The following SMYD3 variants were observed in gnomAD, a reference collection of about 807,000 sequenced individuals.
SMYD3 encodes SET and MYND domain containing 3.
SMYD3 carries 36 observed loss-of-function variants against 57.7 expected under a neutral mutation model. The ratio of observed to expected loss-of-function variants is 0.62; its 90% confidence interval spans 0.48 to 0.82. The LOEUF (loss-of-function observed/expected upper bound fraction) is 0.82, where lower values mean the gene tolerates loss of function less well. Ranked by LOEUF, SMYD3 falls within the 40% of genes least tolerant of loss-of-function variation. The pLI, the probability that SMYD3 is intolerant of heterozygous loss-of-function variation, is 0.00. For synonymous variants in SMYD3, 211 were observed against 195.0 expected (o/e 1.08, Z -0.68); for missense variants, 515 against 538.8 (o/e 0.96, Z 0.44).
chr1:245,906,701 T>C (rs934201924), intron 8 of SMYD3, among the ~76,000 whole-genome samples: 1 of 152,212 alleles, frequency 6.6e-6, no homozygotes, highest in Admixed American at 6.5e-5. Context: ...CCTATGTTTG[T>C]TGCAGCACTG....
At chr1:245,934,654 G>A (rs1244235447) in intron 5 of SMYD3, among the ~76,000 whole-genome samples, 1 of 152,178 alleles carries the variant, frequency 6.6e-6, no homozygotes, top group African/African-American at 2.4e-5. Context: ...GCTCAGGAGA[G>A]GAGAGGCTAT....
chr1:245,797,444 CAT>C (rs1388027187), intron 10 of SMYD3, among the ~76,000 whole-genome samples: 3 of 146,730 alleles, frequency 2.0e-5, no homozygotes, highest in African/African-American at 7.6e-5. Context: ...CCAAACACCA[CAT>C]GTTCTCACTG....
chr1:246,223,026 T>C (rs1046138961), intron 5 of SMYD3, among the ~76,000 whole-genome samples: 12 of 152,188 alleles, frequency 7.9e-5, no homozygotes, highest in African/African-American at 2.9e-4. Flanking sequence ...CCCTTGACAT[T>C]CATTGTCACA....
intron 10 of SMYD3, among the ~76,000 whole-genome samples, chr1:245,846,159 G>A (rs1296330922): frequency 6.6e-6 from 1 of 152,200 alleles, no homozygotes; most frequent in Admixed American, 6.5e-5. Flanking sequence ...CTGTGAGGAA[G>A]AATGAGGACA....
chr1:245,994,896 G>A (rs1267226068), intron 5 of SMYD3, among the ~76,000 whole-genome samples: 1 of 152,120 alleles, frequency 6.6e-6, no homozygotes, highest in Non-Finnish European at 1.5e-5. Context: ...GGAGGCCGAG[G>A]TGGGTGGATC....
chr1:246,335,548 A>G lies in SMYD3; in HGVS notation c.229-74T>C, dbSNP rs2065529608. 3.5e-6 allele frequency: 4 copies of G among 1,156,548 alleles called. No individual in the cohort carries two copies. The Admixed American group carries it at 7.2e-5, about 21-fold the overall frequency. The allele number at this position is 1,156,548 out of a possible 1,614,324, so 71.6% of individuals were successfully genotyped here. ...TCATTTATACTGGTTTTGAACATCA[A>G]GAGTCATAAACATTAAATTTTAATA... On this transcript the variant is annotated intron_variant, in intron 2 of 11. Coordinates refer to ENST00000490107, the MANE Select transcript of SMYD3 (RefSeq NM_001167740.2).
chr1:246,175,634 A>T (rs1471973531), intron 5 of SMYD3, among the ~76,000 whole-genome samples: 3 of 152,154 alleles, frequency 2.0e-5, no homozygotes, highest in Non-Finnish European at 2.9e-5. Flanking sequence ...CATTCACTCA[A>T]TTTGGGGAAA....
At chr1:246,487,456 T>C (rs1005583588) in intron 1 of SMYD3, among the ~76,000 whole-genome samples, 3 of 150,954 alleles carry the variant, frequency 2.0e-5, no homozygotes, top group African/African-American at 7.3e-5. Context: ...CAAGACTCTG[T>C]CTGGAAAAAA....
chr1:246,164,912 A>T (rs2062180816), intron 5 of SMYD3, among the ~76,000 whole-genome samples: 1 of 152,238 alleles, frequency 6.6e-6, no homozygotes, highest in Non-Finnish European at 1.5e-5. Context: ...CTAAAACACA[A>T]GCTAACTTTG....
At chr1:245,965,930 A>G (rs1238873339) in intron 5 of SMYD3, among the ~76,000 whole-genome samples, 1 of 152,116 alleles carries the variant, frequency 6.6e-6, no homozygotes, top group Non-Finnish European at 1.5e-5. Flanking sequence ...TAGCAAATGT[A>G]CCAATCTGGT....
chr1:245,840,967 A>G (rs2362912), intron 10 of SMYD3, among the ~76,000 whole-genome samples: 64,638 of 152,168 alleles, frequency 0.42, 15,413 homozygotes, highest in East Asian at 0.87. Context: ...TCCAAACTAT[A>G]CTGCATGAAA....
chr1:246,003,643 C>A (rs2059119014), intron 5 of SMYD3, among the ~76,000 whole-genome samples: 1 of 152,146 alleles, frequency 6.6e-6, no homozygotes, highest in African/African-American at 2.4e-5. Flanking sequence ...CCTTTTTCAG[C>A]AATGTAAAAC....
intron 5 of SMYD3, among the ~76,000 whole-genome samples, chr1:246,174,002 G>T (rs572251137): frequency 6.6e-6 from 1 of 152,034 alleles, no homozygotes; most frequent in South Asian, 2.1e-4. Flanking sequence ...CAGACACAGG[G>T]TCTCATTATG....
intron 5 of SMYD3, 79 bp downstream of exon 5, chr1:246,327,122 G>GTTGGTT: frequency 6.4e-7 from 1 of 1,571,190 alleles, no homozygotes. Context: ...CAAGATTCTC[G>GTTGGTT]ACATTTTTGT....
intron 1 of SMYD3, among the ~76,000 whole-genome samples, chr1:246,467,453 AC>A (rs2067898021): frequency 6.6e-6 from 1 of 152,148 alleles, no homozygotes; most frequent in South Asian, 2.1e-4. Flanking sequence ...AAATTGACAA[AC>A]CTTTAGCTAG....
intron 5 of SMYD3, among the ~76,000 whole-genome samples, chr1:246,090,711 T>C (rs978859723): frequency 1.3e-5 from 2 of 151,714 alleles, no homozygotes; most frequent in African/African-American, 2.4e-5. Flanking sequence ...AGAGATGGGG[T>C]TTTGCTATGT....
chr1:246,437,686 C>T (rs928749911), intron 1 of SMYD3, among the ~76,000 whole-genome samples: 2 of 152,128 alleles, frequency 1.3e-5, no homozygotes, highest in African/African-American at 4.8e-5. Flanking sequence ...ATTGAAAAAT[C>T]AACTTAAAAG....
At chr1:245,919,327 T>C (rs1466780677) in intron 7 of SMYD3, among the ~76,000 whole-genome samples, 1 of 152,218 alleles carries the variant, frequency 6.6e-6, no homozygotes, top group East Asian at 1.9e-4. Flanking sequence ...AACCCCAGCC[T>C]GTCACAGTTA....
chr1:245,827,541 G>T (rs114322331), intron 10 of SMYD3, among the ~76,000 whole-genome samples: 1 of 152,068 alleles, frequency 6.6e-6, no homozygotes, highest in African/African-American at 2.4e-5. Flanking sequence ...CCTCCCACAC[G>T]CACTCCCGGT....
Sources: allele counts gnomAD v4.1 joint callset (sites outside exome capture counted in the v4.1 genomes callset), GRCh38; gene constraint gnomAD v4.1.1; transcripts MANE v1.5; gene names NCBI Gene and HGNC (gene_info 2026-07-23, HGNC 2026-07-21).